MAOA: variants seen among roughly 807,000 people sequenced by gnomAD.
The protein encoded by MAOA is amine oxidase [flavin-containing] A.
Under a neutral mutation model 42.0 loss-of-function variants are expected in MAOA, and 6 were observed. The observed-to-expected ratio is 0.14, with a 90% CI of 0.08 to 0.28. The LOEUF (loss-of-function observed/expected upper bound fraction) is 0.28. Ranked by LOEUF, MAOA falls within the 10% of genes least tolerant of loss-of-function variation. MAOA has a pLI of 1.00. For missense variants in MAOA, 262 were observed against 422.3 expected (o/e 0.62, Z 3.33); for synonymous variants, 140 against 154.0 (o/e 0.91, Z 0.67).
At chrX:43,683,830 C>T (rs745874495) in intron 2 of MAOA, among the ~76,000 whole-genome samples, 14 of 111,170 alleles carry the variant, frequency 1.3e-4, no homozygotes, top group South Asian at 3.8e-4. Flanking sequence ...ATTCAAAAAA[C>T]ATGAGCAAAT....
chrX:43,684,242 G>A (rs1309506477), intron 2 of MAOA, among the ~76,000 whole-genome samples: 1 of 111,258 alleles, frequency 9.0e-6, no homozygotes, highest in African/African-American at 3.3e-5. Context: ...TTATACTTCG[G>A]CTTACATCAC....
intron 1 of MAOA, among the ~76,000 whole-genome samples, chrX:43,665,964 G>A (rs1426286205): frequency 1.8e-5 from 2 of 112,298 alleles, no homozygotes; most frequent in Non-Finnish European, 3.8e-5. Flanking sequence ...TGTGCTAGCA[G>A]TATTTAGAAT....
intron 1 of MAOA, among the ~76,000 whole-genome samples, chrX:43,681,881 T>TATATATA (rs368648935): frequency 3.3e-5 from 2 of 60,685 alleles, no homozygotes; most frequent in African/African-American, 1.5e-4. Flanking sequence ...TATATATATA[T>TATATATA]TTTTTTTTTT....
chrX:43,732,590 GT>G, intron 8 of MAOA, 108 bp from the exon 9 acceptor site: 3 of 565,138 alleles, frequency 5.3e-6, no homozygotes, highest in South Asian at 4.8e-5. Flanking sequence ...AAGACCAAGA[GT>G]TTAAGTTTTT....
intron 1 of MAOA, among the ~76,000 whole-genome samples, chrX:43,674,747 T>G (rs2147076572): frequency 9.2e-6 from 1 of 108,605 alleles, no homozygotes; most frequent in South Asian, 4.0e-4. Context: ...TTGAAAATTC[T>G]TTTCTTTAAG....
At chrX:43,666,462 A>G (rs1191361861) in intron 1 of MAOA, among the ~76,000 whole-genome samples, 1 of 110,945 alleles carries the variant, frequency 9.0e-6, no homozygotes, top group Admixed American at 9.7e-5. Context: ...TATGTTCTGT[A>G]TCTCACGGCT....
At chrX:43,698,736 C>G (rs1164546422) in intron 3 of MAOA, among the ~76,000 whole-genome samples, 5 of 111,623 alleles carry the variant, frequency 4.5e-5, no homozygotes, top group Non-Finnish European at 9.4e-5. Flanking sequence ...TCTTCTAATT[C>G]TGGTTTAGAA....
chrX:43,691,423 G>A (rs746789972), intron 2 of MAOA, among the ~76,000 whole-genome samples: 4 of 110,550 alleles, frequency 3.6e-5, no homozygotes, highest in Non-Finnish European at 7.6e-5. Context: ...TATAATTACT[G>A]ATGCAATAAA....
chrX:43,733,111 G>A (rs940655080), intron 9 of MAOA, among the ~76,000 whole-genome samples: 1 of 111,955 alleles, frequency 8.9e-6, no homozygotes, highest in Non-Finnish European at 1.9e-5. Context: ...CCTGCCTACA[G>A]GCAGAATGTC....
At chrX:43,663,106 T>C (rs1202986061) in intron 1 of MAOA, among the ~76,000 whole-genome samples, 1 of 111,595 alleles carries the variant, frequency 9.0e-6, no homozygotes, top group African/African-American at 3.2e-5. Context: ...TTTTAGTAAT[T>C]AGTCAATTTC....
At chrX:43,660,907 G>GA (rs1253513494) in intron 1 of MAOA, among the ~76,000 whole-genome samples, 1 of 111,445 alleles carries the variant, frequency 9.0e-6, no homozygotes, top group African/African-American at 3.3e-5. Context: ...CTTTAGTAGA[G>GA]AAAAAAAGGA....
At chrX:43,711,751 A>G in intron 3 of MAOA, 121 bp from the exon 4 acceptor site, 2 of 535,666 alleles carry the variant, frequency 3.7e-6, no homozygotes, top group Non-Finnish European at 6.6e-6. Context: ...TGTTTCTGAC[A>G]CAGTAGAGGG....
intron 1 of MAOA, among the ~76,000 whole-genome samples, chrX:43,681,053 T>C (rs2033438229): frequency 9.0e-6 from 1 of 111,005 alleles, no homozygotes; most frequent in Non-Finnish European, 1.9e-5. Context: ...TCCTAAGTCT[T>C]TTTGACAGAA....
intron 3 of MAOA, among the ~76,000 whole-genome samples, chrX:43,697,316 G>T: frequency 9.0e-6 from 1 of 111,570 alleles, no homozygotes; most frequent in East Asian, 2.8e-4. Context: ...GTCATCCTGT[G>T]TCCATCATTG....
At chrX:43,742,684 A>G (rs2033968624) in intron 12 of MAOA, among the ~76,000 whole-genome samples, 1 of 111,990 alleles carries the variant, frequency 8.9e-6, no homozygotes, top group African/African-American at 3.3e-5. Flanking sequence ...CCAGGTATTT[A>G]CAATTCATTT....
At chrX:43,736,172 A>C in intron 9 of MAOA, 55 bp from the exon 10 acceptor site, 1 of 877,394 alleles carries the variant, frequency 1.1e-6, no homozygotes, top group Non-Finnish European at 1.7e-6. Flanking sequence ...AAGAAAGGGC[A>C]GCTCTTAAAA....
chrX:43,674,575 C>T (rs1231506827), intron 1 of MAOA, among the ~76,000 whole-genome samples: 7 of 111,048 alleles, frequency 6.3e-5, no homozygotes, highest in South Asian at 3.8e-4. Context: ...GATTTTGCAG[C>T]AGCTGGTACC....
At chrX:43,715,982 T>C (rs2033740331) in intron 5 of MAOA, among the ~76,000 whole-genome samples, 1 of 107,592 alleles carries the variant, frequency 9.3e-6, no homozygotes, top group African/African-American at 3.4e-5. Flanking sequence ...CGGGGGAAGA[T>C]GGGTGGTATA....
intron 1 of MAOA, among the ~76,000 whole-genome samples, chrX:43,676,918 G>T (rs1012366219): frequency 9.0e-6 from 1 of 110,566 alleles, no homozygotes; most frequent in Non-Finnish European, 1.9e-5. Flanking sequence ...CATTTTTTAT[G>T]AGGAGTACAC....
Sources: allele counts gnomAD v4.1 joint callset (sites outside exome capture counted in the v4.1 genomes callset), GRCh38; gene constraint gnomAD v4.1.1; transcripts MANE v1.5; gene names NCBI Gene and HGNC (gene_info 2026-07-23, HGNC 2026-07-21).